The following FGD3 variants were observed in gnomAD, a reference collection of about 807,000 sequenced individuals.
The protein encoded by FGD3 is FYVE, RhoGEF and PH domain-containing protein 3.
FGD3 carries 45 observed loss-of-function variants against 71.8 expected under a neutral mutation model. That is an observed-to-expected ratio of 0.63 (90% CI 0.49 to 0.80). The LOEUF (loss-of-function observed/expected upper bound fraction) is 0.80, where lower values mean the gene tolerates loss of function less well. Among genes scored for constraint, FGD3 ranks in the 30% least tolerant of loss-of-function variants. FGD3 has a pLI of 0.00. For synonymous variants in FGD3, 378 were observed against 392.8 expected (o/e 0.96, Z 0.44); for missense variants, 844 against 951.5 (o/e 0.89, Z 1.49).
intron 3 of FGD3, among the ~76,000 whole-genome samples, chr9:92,986,482 A>T (rs1181652226): frequency 6.6e-6 from 1 of 152,216 alleles, no homozygotes; most frequent in African/African-American, 2.4e-5. Context: ...AGGAATATTC[A>T]TGGAAAGCCT....
At chr9:92,977,685 T>G (rs1859817262) in intron 3 of FGD3, among the ~76,000 whole-genome samples, 1 of 152,040 alleles carries the variant, frequency 6.6e-6, no homozygotes, top group African/African-American at 2.4e-5. Context: ...GAAAGGGGCA[T>G]GTCACACCAC....
intron 14 of FGD3, among the ~76,000 whole-genome samples, chr9:93,026,869 T>C (rs1862133891): frequency 6.6e-6 from 1 of 152,216 alleles, no homozygotes; most frequent in South Asian, 2.1e-4. Flanking sequence ...GGGTCCCCCT[T>C]CCGGGGTCAA....
chr9:92,992,577 G>T (rs1860457251), intron 3 of FGD3, among the ~76,000 whole-genome samples: 2 of 152,136 alleles, frequency 1.3e-5, no homozygotes, highest in Non-Finnish European at 2.9e-5. Context: ...TCCCTGCTGT[G>T]CAGGAACAGA....
chr9:92,953,953 A>G (rs992301274), intron 1 of FGD3, among the ~76,000 whole-genome samples: 6 of 152,212 alleles, frequency 3.9e-5, no homozygotes, highest in Non-Finnish European at 4.4e-5. Flanking sequence ...TCACTGGGCA[A>G]TAGTTCCCGG....
At position 93,006,088 on chromosome 9, in the gene FGD3, G is replaced by C. The variant is rs550953081; in HGVS notation, c.745G>C (p.Glu249Gln). 6.2e-7 allele frequency: 1 copy of C among 1,613,254 alleles called. No individual in the cohort carries two copies. Among genetic ancestry groups the C allele is most frequent in the South Asian group, 1.1e-5 (1 of 90,942 alleles). ...KLAPFLKMYG[E>Q]YVKNFDRAVG... ...GGCCCCATTCCTGAAGATGTACGGCGAGTATGTCAAGAACTTTGACCGAGC... is the reference window on the plus strand; with the variant it reads ...GGCCCCATTCCTGAAGATGTACGGCCAGTATGTCAAGAACTTTGACCGAGC... Residue 249 changes from glutamate (E) to glutamine (Q), a missense_variant, in exon 6 of 18, where the codon GAG becomes CAG. By Grantham distance (29) the Glu-to-Gln change is conservative. Coordinates refer to ENST00000375482, the MANE Select transcript of FGD3 (RefSeq NM_001083536.2).
chr9:92,992,443 G>A (rs903437192), intron 3 of FGD3, among the ~76,000 whole-genome samples: 18 of 152,164 alleles, frequency 1.2e-4, no homozygotes, highest in African/African-American at 4.3e-4. Flanking sequence ...CTTAGATTTT[G>A]CTTGTTGGTT....
At chr9:92,954,002 T>G (rs1859004974) in intron 1 of FGD3, among the ~76,000 whole-genome samples, 1 of 152,236 alleles carries the variant, frequency 6.6e-6, no homozygotes, top group African/African-American at 2.4e-5. Context: ...TCTTGTATTT[T>G]TAAACAGGTT....
At chr9:92,981,385 GA>G (rs1243482919) in intron 3 of FGD3, among the ~76,000 whole-genome samples, 5 of 132,630 alleles carry the variant, frequency 3.8e-5, no homozygotes, top group Non-Finnish European at 6.6e-5. Flanking sequence ...AAAAAAAAAA[GA>G]AAAAAAAGAA....
chr9:92,952,338 C>A (rs1316015039), intron 1 of FGD3, among the ~76,000 whole-genome samples: 1 of 151,700 alleles, frequency 6.6e-6, no homozygotes, highest in Non-Finnish European at 1.5e-5. Context: ...CTGGCTTCAC[C>A]CCATTCTCCT....
At position 92,969,008 on chromosome 9, in the gene FGD3, C is replaced by G. The variant is rs1451777734; in HGVS notation, c.-217-6230C>G. On this transcript the variant is annotated intron_variant, in intron 1 of 17. Transcript: ENST00000375482. The surrounding 1 kb of genome is among the most constrained non-coding windows in gnomAD (Gnocchi z 4.5). Reference sequence around the variant, plus strand: ...GGTGGCCTCAGTGGGTTTGGGACCTCAAGGCACCAAAGTTAAGCCAGTGAG... The same window carrying G: ...GGTGGCCTCAGTGGGTTTGGGACCTGAAGGCACCAAAGTTAAGCCAGTGAG... Among the ~76,000 whole-genome samples the G allele has an allele frequency of 4.6e-5, 7 of 152,166 alleles. No homozygotes were observed. Among genetic ancestry groups the G allele is most frequent in the Non-Finnish European group, 7.4e-5 (5 of 68,020 alleles).
intron 1 of FGD3, among the ~76,000 whole-genome samples, chr9:92,961,090 C>T (rs1416241826): frequency 1.3e-5 from 2 of 152,150 alleles, no homozygotes; most frequent in Admixed American, 6.5e-5. Context: ...CTCTGTGGTC[C>T]CACACAGGCC....
chr9:93,017,174 G>T (rs1861735645), intron 10 of FGD3, among the ~76,000 whole-genome samples: 1 of 152,074 alleles, frequency 6.6e-6, no homozygotes. Context: ...AGGCTGAGGT[G>T]GGAGAATTGC....
rs1163586092 is a variant in FGD3, at chr9:93,004,121, C to T, written c.664C>T (p.Arg222Trp). Residue 222 changes from arginine (R) to tryptophan (W), a missense_variant, in exon 5 of 18, where the codon CGG becomes TGG. By Grantham distance (101) the Arg-to-Trp change is moderately radical. Transcript: ENST00000375482. Reference protein sequence around the residue: ...GQFLLPELKTRITEEWDTNPR... With the variant: ...GQFLLPELKTWITEEWDTNPR... ...GTTCCTGCTGCCGGAGCTGAAGACG[C>T]GGATCACGGAGGAGTGGTGAGTACC... 6.2e-7 allele frequency: 1 copy of T among 1,613,892 alleles called. No homozygotes were observed. Among genetic ancestry groups the T allele is most frequent in the Non-Finnish European group, 8.5e-7 (1 of 1,180,052 alleles).
At chr9:92,990,391 C>T (rs1486934066) in intron 3 of FGD3, among the ~76,000 whole-genome samples, 2 of 152,170 alleles carry the variant, frequency 1.3e-5, no homozygotes, top group Non-Finnish European at 2.9e-5. Flanking sequence ...TTCCTCTATT[C>T]CCATTTGGAT....
At chr9:92,964,120 G>A (rs1432268255) in intron 1 of FGD3, 2 of 152,368 alleles carry the variant, frequency 1.3e-5, no homozygotes, top group African/African-American at 4.8e-5. Context: ...CCTAGCACCT[G>A]ATCAGTGGAG....
At chr9:92,998,887 G>T (rs1254260578) in intron 3 of FGD3, among the ~76,000 whole-genome samples, 1 of 152,194 alleles carries the variant, frequency 6.6e-6, no homozygotes, top group East Asian at 1.9e-4. Context: ...GCCCCTACTG[G>T]GAAGTGTCTC....
At position 93,003,191 on chromosome 9, in the gene FGD3, C is replaced by T. The variant is rs1005400749; in HGVS notation, c.543+177C>T. Among the ~76,000 whole-genome samples, 1 of 151,932 alleles carries T rather than the reference C, an allele frequency of 6.6e-6. No homozygotes were observed. The highest frequency in any genetic ancestry group is 6.6e-5 in the Admixed American group (1 of 15,262). On this transcript the variant is annotated intron_variant, in intron 4 of 17. Coordinates refer to ENST00000375482, the MANE Select transcript of FGD3 (RefSeq NM_001083536.2). The surrounding 1 kb of genome is among the most constrained non-coding windows in gnomAD (Gnocchi z 4.1). ...TCACCCAAGCTGGAGTGCAGTGGCGCGATCTTGGCTCACTGCAACCTCCGC... is the reference window on the plus strand; with the variant it reads ...TCACCCAAGCTGGAGTGCAGTGGCGTGATCTTGGCTCACTGCAACCTCCGC...
At chr9:92,983,850 GC>G (rs1253551004) in intron 3 of FGD3, among the ~76,000 whole-genome samples, 7 of 151,984 alleles carry the variant, frequency 4.6e-5, no homozygotes, top group Non-Finnish European at 1.0e-4. Context: ...TCTAAACTAG[GC>G]AAAAATATCC....
chr9:92,949,834 C>G (rs1046438649), intron 1 of FGD3, among the ~76,000 whole-genome samples: 1 of 152,152 alleles, frequency 6.6e-6, no homozygotes, highest in Non-Finnish European at 1.5e-5. Flanking sequence ...CCACCACAAC[C>G]CTCTGAGGAG....
Sources: gnomAD v4.1 joint callset for allele counts (sites outside exome capture counted in the v4.1 genomes callset) on GRCh38, gnomAD v4.1.1 for gene constraint, Gnocchi (gnomAD v3.1) non-coding constraint, MANE v1.5 for transcripts, NCBI Gene and HGNC (gene_info 2026-07-23, HGNC 2026-07-21) for gene names.